Variants in KCNK2 observed in about 807,000 individuals in gnomAD.
KCNK2 encodes potassium two pore domain channel subfamily K member 2.
Under a neutral mutation model 40.5 loss-of-function variants are expected in KCNK2, and 21 were observed. That is an observed-to-expected ratio of 0.52 (90% CI 0.37 to 0.75). The LOEUF is 0.75. Among genes scored for constraint, KCNK2 ranks in the 30% least tolerant of loss-of-function variants. The pLI is 0.00. For missense variants in KCNK2, 399 were observed against 531.6 expected (o/e 0.75, Z 2.45); for synonymous variants, 191 against 202.2 (o/e 0.94, Z 0.47).
intron 1 of KCNK2, among the ~76,000 whole-genome samples, chr1:215,015,275 C>T (rs1656546323): frequency 6.6e-6 from 1 of 151,998 alleles, no homozygotes; most frequent in South Asian, 2.1e-4. Flanking sequence ...ATATTGTATC[C>T]TTAAATTCCT....
intron 4 of KCNK2, 124 bp downstream of exon 4, chr1:215,169,483 T>G (rs2102634144): frequency 1.4e-6 from 1 of 700,400 alleles, no homozygotes; most frequent in South Asian, 2.0e-5. Flanking sequence ...ACAATTTATA[T>G]GCATCTCTAC....
chr1:215,214,631 GC>G lies in KCNK2; in HGVS notation c.963+19541del, dbSNP rs1665884336. 8.5e-5 allele frequency among the ~76,000 whole-genome samples: 13 copies of G among 152,212 alleles called. No individual in the cohort carries two copies. In the South Asian group the frequency reaches 2.7e-3, roughly 32 times the overall value. The stretch of plus-strand genomic sequence containing the variant: ...CCTTGAGCCTAGGAGTTCAGGACCA[GC>G]CTGGGCAACATGGCAAAACCCTATC... On this transcript the variant is annotated intron_variant, in intron 6 of 6. Coordinates refer to ENST00000444842, the MANE Select transcript of KCNK2 (RefSeq NM_001017425.3).
At position 215,083,219 on chromosome 1, in the gene KCNK2, C is replaced by A; in HGVS notation, c.-167C>A. ...TCCCCCCCCCGCCCCCTCCCGCGTCCAGCCCCGCTCTCCCCACCTTGTAAA... is the reference window on the plus strand; with the variant it reads ...TCCCCCCCCCGCCCCCTCCCGCGTCAAGCCCCGCTCTCCCCACCTTGTAAA... On this transcript the variant is annotated 5_prime_UTR_variant, in exon 1 of 7. Coordinates refer to ENST00000444842, the MANE Select transcript of KCNK2 (RefSeq NM_001017425.3). The A allele has an allele frequency of 2.1e-6, 3 of 1,402,676 alleles. No homozygotes were observed. Among genetic ancestry groups the A allele is most frequent in the Non-Finnish European group, 2.9e-6 (3 of 1,024,530 alleles). 86.9% of individuals were successfully genotyped at this position (1,402,676 alleles called of 1,614,324 possible). A position where few individuals can be genotyped will look rare whatever the true frequency, so the allele number is the denominator to read the frequency against.
intron 5 of KCNK2, among the ~76,000 whole-genome samples, chr1:215,186,301 T>C (rs964559230): frequency 2.6e-5 from 4 of 152,022 alleles, no homozygotes; most frequent in African/African-American, 9.7e-5. Context: ...GTCCTAGCTA[T>C]TTGGGAGGCT....
chr1:215,067,279 C>T (rs946824252), intron 1 of KCNK2, among the ~76,000 whole-genome samples: 1 of 151,928 alleles, frequency 6.6e-6, no homozygotes, highest in African/African-American at 2.4e-5. Context: ...TAAGTATGTA[C>T]AATTATTATT....
intron 2 of KCNK2, among the ~76,000 whole-genome samples, chr1:215,090,792 G>T (rs1452037205): frequency 6.6e-6 from 1 of 152,172 alleles, no homozygotes; most frequent in East Asian, 1.9e-4. Context: ...TATCTGTTTT[G>T]TGGTGAAGAA....
At chr1:215,160,483 T>C (rs1188761048) in intron 3 of KCNK2, among the ~76,000 whole-genome samples, 1 of 152,188 alleles carries the variant, frequency 6.6e-6, no homozygotes, top group Non-Finnish European at 1.5e-5. Context: ...AGGTTTATTG[T>C]ATGGCTTCTC....
At chr1:215,063,616 G>A (rs1303560926) in intron 1 of KCNK2, among the ~76,000 whole-genome samples, 3 of 152,120 alleles carry the variant, frequency 2.0e-5, no homozygotes, top group African/African-American at 7.2e-5. Flanking sequence ...CACCTATATT[G>A]TCTGAAAGAA....
intron 3 of KCNK2, among the ~76,000 whole-genome samples, chr1:215,146,295 G>T (rs937321012): frequency 6.6e-5 from 10 of 152,128 alleles, no homozygotes; most frequent in Admixed American, 1.3e-4. Flanking sequence ...TAGGTTATAT[G>T]AATGTATCTT....
chr1:215,044,602 C>G (rs908628696), intron 1 of KCNK2, among the ~76,000 whole-genome samples: 10 of 151,894 alleles, frequency 6.6e-5, no homozygotes, highest in Non-Finnish European at 1.5e-4. Flanking sequence ...GGCAAAGTAA[C>G]CCATTAATTG....
chr1:215,232,963 G>A (rs1470067485), intron 6 of KCNK2, among the ~76,000 whole-genome samples: 1 of 152,178 alleles, frequency 6.6e-6, no homozygotes, highest in Non-Finnish European at 1.5e-5. Context: ...AAATTTGTAG[G>A]AGCCAAATCC....
intron 6 of KCNK2, among the ~76,000 whole-genome samples, chr1:215,225,781 A>G (rs1443317025): frequency 6.6e-6 from 1 of 152,216 alleles, no homozygotes; most frequent in Non-Finnish European, 1.5e-5. Flanking sequence ...TTATTAAATT[A>G]CTATACTCAC....
chr1:215,071,473 G>T (rs1285971609), intron 1 of KCNK2, among the ~76,000 whole-genome samples: 2 of 152,096 alleles, frequency 1.3e-5, no homozygotes, highest in Non-Finnish European at 2.9e-5. Flanking sequence ...ATGGTAACTA[G>T]CCTGCATCTG....
At chr1:215,054,509 C>T (rs1160765616) in intron 1 of KCNK2, among the ~76,000 whole-genome samples, 2 of 152,172 alleles carry the variant, frequency 1.3e-5, no homozygotes, top group Non-Finnish European at 2.9e-5. Flanking sequence ...ATACCAGATG[C>T]ATGTTTGAGA....
intron 6 of KCNK2, among the ~76,000 whole-genome samples, chr1:215,221,955 C>A (rs1666194983): frequency 6.6e-6 from 1 of 152,216 alleles, no homozygotes; most frequent in African/African-American, 2.4e-5. Flanking sequence ...CAGGAAGCAT[C>A]TGCTTCTGGG....
intron 6 of KCNK2, among the ~76,000 whole-genome samples, chr1:215,230,085 G>A (rs925664615): frequency 4.9e-5 from 1 of 20,554 alleles, no homozygotes; most frequent in Non-Finnish European, 1.6e-4. Flanking sequence ...ATATCTGTGT[G>A]TGTGTATACA....
chr1:215,172,027 A>G lies in KCNK2; in HGVS notation c.667A>G (p.Ile223Val). 1.2e-6 allele frequency: 2 copies of G among 1,612,928 alleles called. No homozygotes were observed. The highest frequency in any genetic ancestry group is 1.7e-6 in the Non-Finnish European group (2 of 1,179,476). ...GAATGTTAGTCAGACCAAGATTCGCATCATCTCAACAATCATATTTATACT... is the reference window on the plus strand; with the variant it reads ...GAATGTTAGTCAGACCAAGATTCGCGTCATCTCAACAATCATATTTATACT... ...KWNVSQTKIR[I>V]ISTIIFILFG... The change falls in exon 5 of 7, where the codon ATC becomes GTC. Residue 223 changes from isoleucine (I) to valine (V), a missense_variant. This residue lies in a region of KCNK2 where 279 missense variants were observed against 353.8 expected (regional missense o/e 0.79). Coordinates refer to ENST00000444842, the MANE Select transcript of KCNK2 (RefSeq NM_001017425.3).
chr1:215,062,511 A>G (rs921956008), intron 1 of KCNK2, among the ~76,000 whole-genome samples: 1 of 151,450 alleles, frequency 6.6e-6, no homozygotes, highest in African/African-American at 2.4e-5. Context: ...GGCAACCTCT[A>G]AGGGGAAGGT....
chr1:215,218,338 G>T (rs1189344563), intron 6 of KCNK2, among the ~76,000 whole-genome samples: 1 of 152,170 alleles, frequency 6.6e-6, no homozygotes. Flanking sequence ...GAGCTGCTGG[G>T]AAGGGGAATA....
Sources: gnomAD v4.1 joint callset for allele counts (sites outside exome capture counted in the v4.1 genomes callset) on GRCh38, gnomAD v4.1.1 for gene constraint, gnomAD v4.1.1 regional missense constraint, MANE v1.5 for transcripts, NCBI Gene and HGNC (gene_info 2026-07-23, HGNC 2026-07-21) for gene names.